PLCH1: variants seen among roughly 807,000 people sequenced by gnomAD.
PLCH1 encodes the protein phospholipase C eta 1.
PLCH1 carries 60 observed loss-of-function variants against 126.7 expected under a neutral mutation model. The ratio of observed to expected loss-of-function variants is 0.47; its 90% confidence interval spans 0.38 to 0.59. The LOEUF (loss-of-function observed/expected upper bound fraction) is 0.59. Among genes scored for constraint, PLCH1 ranks in the 20% least tolerant of loss-of-function variants. PLCH1 has a pLI of 0.00. For synonymous variants in PLCH1, 719 were observed against 734.9 expected, an observed-to-expected ratio of 0.98 and a Z score of 0.35; for missense variants, 1,723 against 2,040.0, an observed-to-expected ratio of 0.84 and a Z score of 2.99.
chr3:155,675,000 T>G (rs1309830390), intron 2 of PLCH1, among the ~76,000 whole-genome samples: 1 of 152,156 alleles, frequency 6.6e-6, no homozygotes, highest in Non-Finnish European at 1.5e-5. Flanking sequence ...AAACTGCATG[T>G]TAAGTAAGCC....
intron 1 of PLCH1, among the ~76,000 whole-genome samples, chr3:155,719,712 C>T (rs1171352644): frequency 6.6e-6 from 1 of 151,328 alleles, no homozygotes; most frequent in Admixed American, 6.6e-5. Flanking sequence ...GAATAATGTT[C>T]TCCAAATCCA....
intron 21 of PLCH1, among the ~76,000 whole-genome samples, chr3:155,451,107 A>G (rs1018976191): frequency 2.0e-5 from 3 of 152,130 alleles, no homozygotes; most frequent in African/African-American, 7.2e-5. Flanking sequence ...AAAATAAAAA[A>G]TATATATTGA....
At chr3:155,488,922 T>C in intron 19 of PLCH1, 116 bp from the exon 20 acceptor site, 2 of 832,064 alleles carry the variant, frequency 2.4e-6, no homozygotes, top group South Asian at 3.7e-5. Flanking sequence ...ATTAAACTCA[T>C]GAAGACAACT....
chr3:155,615,232 C>A (rs879205471), intron 2 of PLCH1, among the ~76,000 whole-genome samples: 6 of 151,990 alleles, frequency 3.9e-5, no homozygotes, highest in Admixed American at 3.3e-4. Flanking sequence ...AACCACAATG[C>A]GATACCACCT....
At chr3:155,543,831 C>T (rs559392541) in intron 10 of PLCH1, among the ~76,000 whole-genome samples, 2 of 150,792 alleles carry the variant, frequency 1.3e-5, no homozygotes, top group Non-Finnish European at 3.0e-5. Context: ...TACAGACAAG[C>T]AAATGCTGAG....
chr3:155,470,779 C>T (rs1209326314), intron 21 of PLCH1, among the ~76,000 whole-genome samples: 1 of 152,002 alleles, frequency 6.6e-6, no homozygotes, highest in African/African-American at 2.4e-5. Context: ...ATTCAACATT[C>T]TTAAAGAAAA....
intron 1 of PLCH1, 93 bp from the exon 2 acceptor site, chr3:155,704,357 G>A (rs866919010): frequency 6.5e-5 from 26 of 399,770 alleles, no homozygotes; most frequent in Admixed American, 3.1e-4. Flanking sequence ...CCAGCATTAC[G>A]GGGCAACATA....
chr3:155,608,259 G>A (rs1245605560), intron 2 of PLCH1, among the ~76,000 whole-genome samples: 1 of 152,204 alleles, frequency 6.6e-6, no homozygotes, highest in African/African-American at 2.4e-5. Flanking sequence ...GGGTCACAAG[G>A]TGAAAGAAGC....
At position 155,547,447 on chromosome 3, in the gene PLCH1, G is replaced by A. The variant is rs376662173; in HGVS notation, c.1362+2340C>T. On this transcript the variant is annotated intron_variant, in intron 10 of 22. Transcript: ENST00000460012. ...ACACTTTTACACTGTTGGTGGGACTGTAAACTAGTTCAACCATTGTGGAAG... is the reference window on the plus strand; with the variant it reads ...ACACTTTTACACTGTTGGTGGGACTATAAACTAGTTCAACCATTGTGGAAG... 6.6e-4 allele frequency among the ~76,000 whole-genome samples: 92 copies of A among 139,064 alleles called. 1 individual carries two copies. The highest frequency in any genetic ancestry group is 3.3e-3 in the Admixed American group (46 of 13,858). 91.2% of individuals were successfully genotyped at this position (139,064 alleles called of 152,430 possible).
chr3:155,672,212 T>C (rs1005647202), intron 2 of PLCH1, among the ~76,000 whole-genome samples: 2 of 152,154 alleles, frequency 1.3e-5, no homozygotes, highest in South Asian at 2.1e-4. Flanking sequence ...ATAAATGTAA[T>C]GTAATTCCAA....
chr3:155,568,246 C>G lies in PLCH1; in HGVS notation c.850G>C (p.Val284Leu). The G allele has an allele frequency of 7.1e-7, 1 of 1,417,752 alleles. No individual in the cohort carries two copies. The highest frequency in any genetic ancestry group is 1.0e-6 in the Non-Finnish European group (1 of 1,003,464). The allele number at this position is 1,417,752 out of a possible 1,614,324, so 87.8% of individuals were successfully genotyped here. The change falls in exon 7 of 23, where the codon GTT becomes CTT. Residue 284 changes from valine to leucine, a missense_variant. Val to Leu is a conservative substitution (Grantham distance 32). Around this residue, in one of 2 missense-constraint regions of PLCH1, gnomAD observed 776 missense variants for 1,062.9 expected, o/e 0.73. Transcript: ENST00000460012. The stretch of plus-strand genomic sequence containing the variant: ...GTTATTTTACCTTCTATGCCAAGAA[C>G]ATTTTTCACCTTATTTTCTTCTGAA... ...EVSEENKVKN[V>L]LGIEGFTNFM...
At chr3:155,658,145 T>C in intron 2 of PLCH1, 2 of 217,750 alleles carry the variant, frequency 9.2e-6, no homozygotes, top group South Asian at 8.5e-5. Context: ...CCTCGAAAGC[T>C]GTTGAGCCAC....
chr3:155,487,139 C>A (rs906793176), intron 21 of PLCH1: 4 of 152,162 alleles, frequency 2.6e-5, no homozygotes, highest in African/African-American at 9.7e-5. Context: ...ATGGTCCATT[C>A]CTTATTAGTT....
At chr3:155,562,717 C>T (rs567844707) in intron 8 of PLCH1, among the ~76,000 whole-genome samples, 5 of 152,300 alleles carry the variant, frequency 3.3e-5, no homozygotes, top group African/African-American at 1.2e-4. Flanking sequence ...TGGCCAATCT[C>T]CACTCACTTT....
At chr3:155,496,517 C>T (rs556770359) in intron 15 of PLCH1, among the ~76,000 whole-genome samples, 2 of 151,732 alleles carry the variant, frequency 1.3e-5, no homozygotes, top group East Asian at 3.9e-4. Context: ...GGAGTGGGGG[C>T]TGGGCAGGGG....
intron 2 of PLCH1, among the ~76,000 whole-genome samples, chr3:155,646,438 CA>C (rs1478909078): frequency 6.6e-6 from 1 of 152,164 alleles, no homozygotes; most frequent in Non-Finnish European, 1.5e-5. Flanking sequence ...AGTTCTGTCT[CA>C]CCCCACCCTT....
chr3:155,474,994 G>A (rs1304650195), downstream of PLCH1, among the ~76,000 whole-genome samples: 3 of 142,684 alleles, frequency 2.1e-5, no homozygotes, highest in Non-Finnish European at 4.6e-5. Context: ...GAGTTAGTGG[G>A]TGCAGTGCAC....
chr3:155,638,620 C>T (rs1019811694), intron 2 of PLCH1, among the ~76,000 whole-genome samples: 1 of 152,218 alleles, frequency 6.6e-6, no homozygotes, highest in Non-Finnish European at 1.5e-5. Flanking sequence ...AAGTCTTGAA[C>T]TTCAAGCTAC....
chr3:155,582,785 A>T (rs927294994), intron 6 of PLCH1, among the ~76,000 whole-genome samples: 2 of 152,182 alleles, frequency 1.3e-5, no homozygotes, highest in Non-Finnish European at 2.9e-5. Flanking sequence ...ACATTCATTT[A>T]TTCCTCTACT....
Sources: gnomAD v4.1 joint callset for allele counts (sites outside exome capture counted in the v4.1 genomes callset) on GRCh38, gnomAD v4.1.1 for gene constraint, gnomAD v4.1.1 regional missense constraint, MANE v1.5 for transcripts, NCBI Gene and HGNC (gene_info 2026-07-23, HGNC 2026-07-21) for gene names.